The following NUP107 variants were observed in gnomAD, a reference collection of about 807,000 sequenced individuals.
The protein encoded by NUP107 is nucleoporin 107.
NUP107 carries 101 observed loss-of-function variants against 141.0 expected under a neutral mutation model. The observed-to-expected ratio is 0.72, with a 90% CI of 0.61 to 0.84. The LOEUF is 0.84. Ranked by LOEUF, NUP107 falls within the 40% of genes least tolerant of loss-of-function variation. NUP107 has a pLI of 0.00. For synonymous variants in NUP107, 319 were observed against 363.9 expected (o/e 0.88, Z 1.41); for missense variants, 941 against 1,102.7 (o/e 0.85, Z 2.08).
At position 68,687,042 on chromosome 12, in the gene NUP107, TTG is replaced by T; in HGVS notation, c.-17_-16del. ...GTAGCTAAACTGCAGCCAACTTTGGTTGTGTGTGGAAAAGGCTTTAGCCATGG... is the reference window on the plus strand; with the variant it reads ...GTAGCTAAACTGCAGCCAACTTTGGTTGTGTGGAAAAGGCTTTAGCCATGG... On this transcript the variant is annotated 5_prime_UTR_variant, in exon 1 of 28. Coordinates refer to ENST00000229179, the MANE Select transcript of NUP107 (RefSeq NM_020401.4). The T allele has an allele frequency of 1.9e-6, 3 of 1,613,994 alleles. No homozygotes were observed. The highest frequency in any genetic ancestry group is 1.7e-4 in the Middle Eastern group (1 of 6,056).
At chr12:68,691,841 GAAA>G (rs777729661) in intron 4 of NUP107, 124 bp from the exon 5 acceptor site, 2,274 of 572,410 alleles carry the variant, frequency 4.0e-3, no homozygotes, top group East Asian at 5.1e-3. Flanking sequence ...CTCAAGAAGG[GAAA>G]AAAAAAAAAA....
intron 15 of NUP107, 93 bp from the exon 16 acceptor site, chr12:68,721,748 T>G: frequency 8.1e-7 from 1 of 1,241,310 alleles, no homozygotes; most frequent in African/African-American, 1.5e-5. Flanking sequence ...CATTATAAAG[T>G]GATTTTATAG....
chr12:68,692,809 A>G (rs967810978), intron 5 of NUP107, among the ~76,000 whole-genome samples: 3 of 140,576 alleles, frequency 2.1e-5, no homozygotes, highest in Non-Finnish European at 4.5e-5. Context: ...GAGTGGAGTG[A>G]TGGGATCTTG....
In NUP107 at chr12:68,687,058, C is replaced by G; in HGVS notation, c.-8C>G. 3 of 1,614,180 alleles carry G rather than the reference C, an allele frequency of 1.9e-6. No individual in the cohort carries two copies. In the South Asian group the frequency reaches 3.3e-5, roughly 18 times the overall value. ...CAACTTTGGTTGTGTGTGGAAAAGG[C>G]TTTAGCCATGGACAGGTCAGTACTG... On this transcript the variant is annotated 5_prime_UTR_variant, in exon 1 of 28. Coordinates refer to ENST00000229179, the MANE Select transcript of NUP107 (RefSeq NM_020401.4).
rs184762314 is a variant in NUP107 at position 68,723,941 on chromosome 12, A to G, written c.1507-1786A>G. On this transcript the variant is annotated intron_variant, in intron 17 of 27. Transcript: ENST00000229179. ...AAGGAAATTAATGCTTTTTCTGTCA[A>G]GAGTTTATTACCAGTCTATTATTTT... is the stretch of plus-strand genomic sequence containing the variant. Among the ~76,000 whole-genome samples the G allele has an allele frequency of 5.9e-5, 9 of 152,318 alleles. No individual in the cohort carries two copies. In the East Asian group the frequency reaches 1.7e-3, roughly 29 times the overall value.
chr12:68,735,200 A>G (rs1878016346), intron 25 of NUP107, 31 bp from the exon 26 acceptor site: 1 of 1,365,556 alleles, frequency 7.3e-7, no homozygotes, highest in African/African-American at 1.4e-5. Flanking sequence ...GGTTTTATCC[A>G]TTATATGTCT....
chr12:68,694,355 ATAAC>A (rs1300438449), intron 5 of NUP107, among the ~76,000 whole-genome samples: 1 of 152,236 alleles, frequency 6.6e-6, no homozygotes, highest in Admixed American at 6.6e-5. Flanking sequence ...TGTTTATAAA[ATAAC>A]TAGTATATCT....
chr12:68,693,498 A>AT (rs1271971113), intron 5 of NUP107, among the ~76,000 whole-genome samples: 2 of 152,128 alleles, frequency 1.3e-5, no homozygotes, highest in Admixed American at 1.3e-4. Context: ...ATAGGCAACA[A>AT]CATAAATTTA....
chr12:68,722,418 TAA>T (rs1383003153), intron 17 of NUP107, among the ~76,000 whole-genome samples: 1 of 152,142 alleles, frequency 6.6e-6, no homozygotes, highest in East Asian at 1.9e-4. Flanking sequence ...GGAAAATTAT[TAA>T]GACTTTATTT....
intron 20 of NUP107, among the ~76,000 whole-genome samples, chr12:68,729,546 C>T (rs990976424): frequency 4.6e-5 from 7 of 151,042 alleles, no homozygotes; most frequent in Admixed American, 6.6e-5. Flanking sequence ...CGGGGTCAAG[C>T]GATTCTCTGG....
chr12:68,733,355 A>G, intron 23 of NUP107, 97 bp from the exon 24 acceptor site: 1 of 1,148,896 alleles, frequency 8.7e-7, no homozygotes, highest in South Asian at 1.6e-5. Flanking sequence ...AAATAGTTAC[A>G]GGTCACTGTA....
intron 6 of NUP107, among the ~76,000 whole-genome samples, chr12:68,698,301 C>T (rs969194157): frequency 3.9e-5 from 6 of 152,056 alleles, no homozygotes; most frequent in African/African-American, 1.4e-4. Flanking sequence ...CAAAAGACAC[C>T]ACCAAATGCT....
In NUP107 at chr12:68,721,897, G is replaced by A; in HGVS notation, c.1368G>A (p.Met456Ile). 1 of 1,614,116 alleles carries A rather than the reference G, an allele frequency of 6.2e-7. No homozygotes were observed. The highest frequency in any genetic ancestry group is 8.5e-7 in the Non-Finnish European group (1 of 1,179,986). ...EDTVWAYFRV[M>I]VDSLVEQEIQ... ...CAGTTTGGGCCTACTTCCGGGTGAT[G>A]GTGGACAGTCTGGTAGAACAGGAGA... The change falls in exon 16 of 28, where the codon ATG becomes ATA. Residue 456 changes from methionine to isoleucine, a missense_variant. Met to Ile is a conservative substitution (Grantham distance 10, BLOSUM62 1). Coordinates refer to ENST00000229179, the MANE Select transcript of NUP107 (RefSeq NM_020401.4).
rs1182943582 is a variant in NUP107, at chr12:68,688,942, G to A, written c.9-20G>A. On this transcript the variant is annotated intron_variant, in intron 1 of 27. Transcript: ENST00000229179. The stretch of plus-strand genomic sequence containing the variant: ...CTATATTCTCGTTTCACTTATATAA[G>A]CTTGATTATACTACTTTAGGAGTGG... 1 of 1,569,290 alleles carries A rather than the reference G, an allele frequency of 6.4e-7. No individual in the cohort carries two copies. Among genetic ancestry groups the A allele is most frequent in the East Asian group, 2.3e-5 (1 of 44,386 alleles).
At chr12:68,691,843 A>G in intron 4 of NUP107, 125 bp from the exon 5 acceptor site, 284 of 409,652 alleles carry the variant, frequency 6.9e-4, no homozygotes, top group South Asian at 2.5e-3. Context: ...CAAGAAGGGA[A>G]AAAAAAAAAA....
Position 68,734,724 on chromosome 12 carries a change from TTAA to T in NUP107, c.2281_2283del (p.Asn761del). 1 of 1,601,364 alleles carries T rather than the reference TTAA, an allele frequency of 6.2e-7. No homozygotes were observed. The highest frequency in any genetic ancestry group is 8.5e-7 in the Non-Finnish European group (1 of 1,175,084). On this transcript the variant is annotated inframe_deletion, in exon 25 of 28. Transcript: ENST00000229179. ...ACATTTTAGGAAGCCCATGAAACCT[TTAA>T]TGAGTGGTTTAAGCATATGAATTCA...
chr12:68,734,884 G>A, intron 25 of NUP107, 51 bp downstream of exon 25: 1 of 1,570,230 alleles, frequency 6.4e-7, no homozygotes, highest in Non-Finnish European at 8.7e-7. Flanking sequence ...ATAAATGTGT[G>A]TTGTATATTT....
chr12:68,718,824 A>C (rs1167274841), intron 12 of NUP107, among the ~76,000 whole-genome samples: 1 of 151,878 alleles, frequency 6.6e-6, no homozygotes, highest in Non-Finnish European at 1.5e-5. Context: ...AGGCATGCAT[A>C]TGTTTTAAAA....
chr12:68,710,165 A>G (rs1876782326), intron 10 of NUP107, 72 bp downstream of exon 10: 1 of 815,646 alleles, frequency 1.2e-6, no homozygotes, highest in Admixed American at 2.1e-5. Flanking sequence ...AATAAGTATT[A>G]TTCAGTTTTT....
Sources: allele counts gnomAD v4.1 joint callset (sites outside exome capture counted in the v4.1 genomes callset), GRCh38; gene constraint gnomAD v4.1.1; transcripts MANE v1.5; gene names NCBI Gene and HGNC (gene_info 2026-07-23, HGNC 2026-07-21).